The following DOCK2 variants were observed in gnomAD, a reference collection of about 807,000 sequenced individuals.
DOCK2 encodes dedicator of cytokinesis 2.
DOCK2 carries 87 observed loss-of-function variants against 248.9 expected under a neutral mutation model. The ratio of observed to expected loss-of-function variants is 0.35; its 90% CI spans 0.29 to 0.42. DOCK2 has a LOEUF of 0.42. DOCK2 is among the 10% of genes least tolerant of loss of function. DOCK2 has a pLI of 1.00. For synonymous variants in DOCK2, 805 were observed against 821.6 expected (o/e 0.98, Z 0.35); for missense variants, 1,747 against 2,300.2 (o/e 0.76, Z 4.92).
chr5:169,901,885 G>A (rs1255037759), intron 27 of DOCK2, among the ~76,000 whole-genome samples: 4 of 152,190 alleles, frequency 2.6e-5, no homozygotes, highest in African/African-American at 9.6e-5. Flanking sequence ...CCCTTCCTCT[G>A]CATGGTGGCC....
intron 25 of DOCK2, among the ~76,000 whole-genome samples, chr5:169,794,964 G>A (rs917565120): frequency 2.0e-5 from 3 of 152,168 alleles, no homozygotes; most frequent in African/African-American, 7.2e-5. Context: ...GGAGGCCAAG[G>A]TGTGTGGATT....
chr5:169,709,075 G>A (rs944536215), intron 15 of DOCK2, among the ~76,000 whole-genome samples: 2 of 152,220 alleles, frequency 1.3e-5, no homozygotes, highest in South Asian at 2.1e-4. Context: ...ACATAATACT[G>A]TCAGACAAGT....
At chr5:169,995,720 T>G (rs998389370) in intron 29 of DOCK2, among the ~76,000 whole-genome samples, 2 of 152,232 alleles carry the variant, frequency 1.3e-5, no homozygotes, top group Non-Finnish European at 2.9e-5. Flanking sequence ...GGATGACAGT[T>G]TTCGTTAGGT....
chr5:169,990,199 G>A (rs994219548), intron 29 of DOCK2, among the ~76,000 whole-genome samples: 6 of 152,042 alleles, frequency 3.9e-5, no homozygotes, highest in South Asian at 2.1e-4. Context: ...CCCAGATTCC[G>A]GTGATTCTCT....
chr5:169,857,636 G>A (rs922099096), intron 27 of DOCK2, among the ~76,000 whole-genome samples: 1 of 151,852 alleles, frequency 6.6e-6, no homozygotes, highest in African/African-American at 2.4e-5. Context: ...CTGAGACTAG[G>A]GCATGATGGT....
At chr5:170,035,503 A>T (rs1480922281) in intron 35 of DOCK2, among the ~76,000 whole-genome samples, 1 of 152,160 alleles carries the variant, frequency 6.6e-6, no homozygotes, top group Non-Finnish European at 1.5e-5. Context: ...TAACTCCACC[A>T]GGCCCAGTTT....
chr5:169,857,572 G>A (rs770370960), intron 27 of DOCK2, among the ~76,000 whole-genome samples: 22 of 152,098 alleles, frequency 1.4e-4, no homozygotes, highest in Non-Finnish European at 2.6e-4. Context: ...CACCTCAGGA[G>A]AGTTAGAAGC....
intron 27 of DOCK2, among the ~76,000 whole-genome samples, chr5:169,900,453 A>G (rs1773858121): frequency 6.6e-6 from 1 of 152,226 alleles, no homozygotes; most frequent in Admixed American, 6.5e-5. Flanking sequence ...GGCAAATGTC[A>G]GGAGAAGACT....
chr5:169,945,394 G>T (rs1776405748), intron 27 of DOCK2, among the ~76,000 whole-genome samples: 1 of 152,254 alleles, frequency 6.6e-6, no homozygotes, highest in Non-Finnish European at 1.5e-5. Context: ...AACTCTTTGG[G>T]TCTCAGAGTG....
intron 25 of DOCK2, among the ~76,000 whole-genome samples, chr5:169,794,284 C>T (rs907622980): frequency 1.3e-5 from 2 of 152,114 alleles, no homozygotes; most frequent in African/African-American, 4.8e-5. Context: ...TCGGCTTGGC[C>T]TCCTTCCCTC....
intron 13 of DOCK2, 39 bp from the exon 14 acceptor site, chr5:169,702,264 A>G: frequency 6.2e-7 from 1 of 1,609,486 alleles, no homozygotes. Context: ...TCCTGCTGTA[A>G]TCCACACTAA....
chr5:169,958,066 C>T (rs2113738678), intron 27 of DOCK2, among the ~76,000 whole-genome samples: 1 of 152,254 alleles, frequency 6.6e-6, no homozygotes, highest in South Asian at 2.1e-4. Context: ...GGGATACGTT[C>T]CCTGTGTGGA....
At chr5:169,662,639 ACAT>A (rs1181231761) in intron 2 of DOCK2, among the ~76,000 whole-genome samples, 2 of 152,238 alleles carry the variant, frequency 1.3e-5, no homozygotes, top group Non-Finnish European at 2.9e-5. Flanking sequence ...GGCATGTTTT[ACAT>A]GGCAGCAGGA....
chr5:169,838,111 A>G (rs905162799), intron 26 of DOCK2, among the ~76,000 whole-genome samples: 62 of 152,186 alleles, frequency 4.1e-4, no homozygotes, highest in African/African-American at 1.4e-3. Context: ...AAAGGCAGAG[A>G]AAAGATCAAA....
At chr5:169,904,099 A>C (rs1363681300) in intron 27 of DOCK2, among the ~76,000 whole-genome samples, 1 of 151,056 alleles carries the variant, frequency 6.6e-6, no homozygotes, top group Non-Finnish European at 1.5e-5. Context: ...CTCAAAAAAA[A>C]AAAAAAAAAA....
At chr5:169,733,467 A>C (rs1055353325) in intron 22 of DOCK2, among the ~76,000 whole-genome samples, 3 of 151,896 alleles carry the variant, frequency 2.0e-5, no homozygotes, top group African/African-American at 7.3e-5. Context: ...ATAAAAGTTC[A>C]ACACTATTCT....
intron 25 of DOCK2, among the ~76,000 whole-genome samples, chr5:169,787,395 A>G (rs186886814): frequency 7.0e-4 from 106 of 152,298 alleles, no homozygotes; most frequent in Non-Finnish European, 1.2e-3. Context: ...GATGCATGAT[A>G]GGTGCTCTAG....
At chr5:169,772,549 C>T (rs983534527) in intron 25 of DOCK2, among the ~76,000 whole-genome samples, 9 of 152,176 alleles carry the variant, frequency 5.9e-5, no homozygotes, top group Non-Finnish European at 1.5e-5. Context: ...ATTTAGTGCA[C>T]AGTTGTGAGA....
At position 169,699,418 on chromosome 5, in the gene DOCK2, G is replaced by A. The variant is rs1760825925; in HGVS notation, c.1092G>A (p.Leu364=). ...TAENDFLHSL[L]GKVIASKGDS... ...AGAATGACTTCCTACACAGCCTGCT[G>A]GGCAAAGTCATAGCCTCCAAGGGGG... Residue 364 remains leucine (L), a synonymous_variant, in exon 12 of 52, where the codon CTG becomes CTA. Transcript: ENST00000520908. 1.2e-6 allele frequency: 2 copies of A among 1,613,226 alleles called. No individual in the cohort carries two copies. The highest frequency in any genetic ancestry group is 2.7e-5 in the African/African-American group (2 of 74,910).
Sources: gnomAD v4.1 joint callset for allele counts (sites outside exome capture counted in the v4.1 genomes callset) on GRCh38, gnomAD v4.1.1 for gene constraint, MANE v1.5 for transcripts, NCBI Gene and HGNC (gene_info 2026-07-23, HGNC 2026-07-21) for gene names.